The following TUBGCP3 variants were observed in gnomAD, a reference collection of about 807,000 sequenced individuals.
TUBGCP3 encodes the protein gamma-tubulin complex component 3.
Under a neutral mutation model 123.1 loss-of-function variants are expected in TUBGCP3, and 50 were observed. That is an observed-to-expected ratio of 0.41 (90% CI 0.32 to 0.51). TUBGCP3 has a LOEUF of 0.51. TUBGCP3 is among the 20% of genes least tolerant of loss of function. The probability of loss-of-function intolerance (pLI) is 0.36; values close to 1 mark genes in which losing one functional copy is unlikely to be tolerated. For missense variants in TUBGCP3, 882 were observed against 1,127.0 expected (o/e 0.78, Z 3.11); for synonymous variants, 405 against 413.9 (o/e 0.98, Z 0.26).
chr13:112,589,375 T>C (rs1453406738), upstream of TUBGCP3, among the ~76,000 whole-genome samples: 2 of 152,206 alleles, frequency 1.3e-5, no homozygotes, highest in Non-Finnish European at 2.9e-5. Context: ...GCTGATGTTA[T>C]TTGGTTTACA....
intron 20 of TUBGCP3, among the ~76,000 whole-genome samples, chr13:112,498,599 C>A (rs371957705): frequency 6.6e-6 from 1 of 152,216 alleles, no homozygotes; most frequent in East Asian, 1.9e-4. Flanking sequence ...ATTAAATGCA[C>A]TTTCAGTGTA....
chr13:112,590,099 C>G (rs1399989875), upstream of TUBGCP3, among the ~76,000 whole-genome samples: 1 of 151,878 alleles, frequency 6.6e-6, no homozygotes, highest in East Asian at 1.9e-4. Context: ...GCCTCAGCCT[C>G]TTGACTAGCT....
intron 18 of TUBGCP3, 24 bp downstream of exon 18, chr13:112,504,602 A>G: frequency 6.2e-7 from 1 of 1,600,944 alleles, no homozygotes; most frequent in Non-Finnish European, 8.6e-7. Context: ...TTAAACTAAA[A>G]TCAACACAAT....
At chr13:112,576,911 A>C (rs1566591608) in intron 1 of TUBGCP3, among the ~76,000 whole-genome samples, 1 of 145,008 alleles carries the variant, frequency 6.9e-6, no homozygotes, top group Non-Finnish European at 1.5e-5. Context: ...ACAAACAAAC[A>C]AAAAAAAAAA....
At position 112,519,846 on chromosome 13, in the gene TUBGCP3, G is replaced by A. The variant is rs191842184; in HGVS notation, c.1881+40C>T. On this transcript the variant is annotated intron_variant, in intron 15 of 21. Coordinates refer to ENST00000261965, the MANE Select transcript of TUBGCP3 (RefSeq NM_006322.6). The surrounding 1 kb of genome is among the most constrained non-coding windows in gnomAD (Gnocchi z 6.2). Reference sequence around the variant, plus strand: ...GAACACCCCGGCCCAGTGGGTCCTCGGTGCCGGGGCGGCGTTCCCAACACG... The same window carrying A: ...GAACACCCCGGCCCAGTGGGTCCTCAGTGCCGGGGCGGCGTTCCCAACACG... 1.3e-5 allele frequency: 21 copies of A among 1,597,868 alleles called. No individual in the cohort carries two copies. The highest frequency in any genetic ancestry group is 1.7e-5 in the Non-Finnish European group (20 of 1,169,924).
At chr13:112,577,970 AT>A (rs1881960213) in intron 1 of TUBGCP3, among the ~76,000 whole-genome samples, 1 of 152,172 alleles carries the variant, frequency 6.6e-6, no homozygotes, top group Non-Finnish European at 1.5e-5. Context: ...ACATATGAAA[AT>A]TTGTTGGGAA....
intron 1 of TUBGCP3, among the ~76,000 whole-genome samples, chr13:112,571,475 G>A (rs558358397): frequency 2.6e-5 from 4 of 152,146 alleles, no homozygotes; most frequent in South Asian, 2.1e-4. Flanking sequence ...AGGCTTTGTC[G>A]TTTCATTTCT....
In TUBGCP3 at chr13:112,588,099, G is replaced by T. The variant is rs931966124; in HGVS notation, c.-119C>A. ...AGCTCCCTGCTCCTGACAGGCTAAG[G>T]CGCGGGCGCCGCCGGCCACCAGGGC... On this transcript the variant is annotated 5_prime_UTR_variant, in exon 1 of 22. Transcript: ENST00000261965. 1 of 923,880 alleles carries T rather than the reference G, an allele frequency of 1.1e-6. No individual in the cohort carries two copies. The highest frequency in any genetic ancestry group is 1.7e-5 in the African/African-American group (1 of 57,460). 57.2% of individuals were successfully genotyped at this position (923,880 alleles called of 1,614,324 possible).
chr13:112,500,934 A>G (rs1293522141), intron 19 of TUBGCP3, among the ~76,000 whole-genome samples: 1 of 152,246 alleles, frequency 6.6e-6, no homozygotes, highest in African/African-American at 2.4e-5. Flanking sequence ...ATCTCAAGTG[A>G]GACAAAGCTG....
chr13:112,575,615 C>A (rs1881746898), intron 1 of TUBGCP3, among the ~76,000 whole-genome samples: 1 of 152,238 alleles, frequency 6.6e-6, no homozygotes. Context: ...TCGGTATTCA[C>A]ACAACAGCCC....
At chr13:112,600,051 G>A in the TUBGCP3 span, among the ~76,000 whole-genome samples, 2 of 152,234 alleles carry the variant, frequency 1.3e-5, no homozygotes, top group South Asian at 2.1e-4. Flanking sequence ...CTAAGACTAC[G>A]AATCCCACAC....
In TUBGCP3 at chr13:112,588,130, T is replaced by C; in HGVS notation, c.-150A>G. ...GCGCCGCCGGCCACCAGGGCGCCAT[T>C]TTAACGGAACCCGCCGAAAGCGCGG... On this transcript the variant is annotated 5_prime_UTR_variant, in exon 1 of 22. Coordinates refer to ENST00000261965, the MANE Select transcript of TUBGCP3 (RefSeq NM_006322.6). The C allele has an allele frequency of 3.4e-6, 2 of 590,196 alleles. No individual in the cohort carries two copies. Among genetic ancestry groups the C allele is most frequent in the African/African-American group, 2.0e-5 (1 of 51,270 alleles). The allele number at this position is 590,196 out of a possible 1,614,324, so 36.6% of individuals were successfully genotyped here.
intron 3 of TUBGCP3, among the ~76,000 whole-genome samples, chr13:112,564,625 G>A (rs1880808335): frequency 6.6e-6 from 1 of 152,062 alleles, no homozygotes; most frequent in East Asian, 1.9e-4. Flanking sequence ...AGACCAGCCT[G>A]GGGAACACAG....
At chr13:112,575,403 A>G (rs552359462) in intron 1 of TUBGCP3, among the ~76,000 whole-genome samples, 1 of 152,246 alleles carries the variant, frequency 6.6e-6, no homozygotes, top group African/African-American at 2.4e-5. Flanking sequence ...CACCAAGATG[A>G]CATAGCAATT....
At chr13:112,569,329 T>A (rs1881223921) in intron 1 of TUBGCP3, 70 bp from the exon 2 acceptor site, 1 of 1,416,722 alleles carries the variant, frequency 7.1e-7, no homozygotes, top group Non-Finnish European at 9.9e-7. Flanking sequence ...AAGCTTCCAG[T>A]TCAAGACAGT....
At chr13:112,489,824 A>AC in intron 20 of TUBGCP3, 127 bp from the exon 21 acceptor site, 2 of 680,588 alleles carry the variant, frequency 2.9e-6, no homozygotes, top group Non-Finnish European at 5.1e-6. Context: ...ACTGTTCAAC[A>AC]CTTTCACAAT....
chr13:112,580,286 A>G (rs1280536267), intron 1 of TUBGCP3, among the ~76,000 whole-genome samples: 3 of 152,166 alleles, frequency 2.0e-5, no homozygotes, highest in Non-Finnish European at 4.4e-5. Context: ...AAAATCAAAC[A>G]CAACAAAAGA....
At chr13:112,540,839 A>C (rs1047632027) in intron 11 of TUBGCP3, among the ~76,000 whole-genome samples, 8 of 152,386 alleles carry the variant, frequency 5.2e-5, no homozygotes, top group African/African-American at 1.9e-4. Context: ...AATCTTTGCC[A>C]ATGAGGCAAG....
intron 11 of TUBGCP3, among the ~76,000 whole-genome samples, chr13:112,532,930 G>C (rs1444568447): frequency 6.6e-6 from 1 of 152,240 alleles, no homozygotes; most frequent in African/African-American, 2.4e-5. Flanking sequence ...GTTAGACTTA[G>C]AGGCAGCTTT....
Sources: gnomAD v4.1 joint callset for allele counts (sites outside exome capture counted in the v4.1 genomes callset) on GRCh38, gnomAD v4.1.1 for gene constraint, Gnocchi (gnomAD v3.1) non-coding constraint, MANE v1.5 for transcripts, NCBI Gene and HGNC (gene_info 2026-07-23, HGNC 2026-07-21) for gene names.